Variants in KCNIP4 observed in about 807,000 individuals in gnomAD.
KCNIP4 encodes the protein Kv channel-interacting protein 4.
Under a neutral mutation model 34.0 loss-of-function variants are expected in KCNIP4, and 12 were observed. The ratio of observed to expected loss-of-function variants is 0.35; its 90% confidence interval spans 0.23 to 0.57. KCNIP4 has a LOEUF of 0.57. KCNIP4 is among the 20% of genes least tolerant of loss of function. The pLI, the probability that KCNIP4 is intolerant of heterozygous loss-of-function variation, is 0.83. For missense variants in KCNIP4, 238 were observed against 311.7 expected (o/e 0.76, Z 1.78); for synonymous variants, 124 against 102.2 (o/e 1.21, Z -1.29).
At chr4:21,844,415 A>C (rs1214051100) in intron 1 of KCNIP4, 1 of 152,112 alleles carries the variant, frequency 6.6e-6, no homozygotes, top group Non-Finnish European at 1.5e-5. Context: ...TGGTAATTAT[A>C]AACAGACAAA....
At chr4:20,732,816 G>T in intron 6 of KCNIP4, 31 bp from the exon 7 acceptor site, 2 of 1,284,474 alleles carry the variant, frequency 1.6e-6, no homozygotes, top group Non-Finnish European at 2.3e-6. Flanking sequence ...ACGTGAGGCT[G>T]CACACATGTA....
rs534769944 is a variant in KCNIP4 at position 21,561,885 on chromosome 4, T to C, written c.61+386686A>G. 4.6e-5 allele frequency among the ~76,000 whole-genome samples: 7 copies of C among 152,070 alleles called. No homozygotes were observed. In the South Asian group the frequency reaches 1.4e-3, roughly 31 times the overall value. Reference sequence around the variant, plus strand: ...CATTGCCTTCCACATTGTTCATTTATGAGAAGGACCCTGTGCCCTGGCTCA... The same window carrying C: ...CATTGCCTTCCACATTGTTCATTTACGAGAAGGACCCTGTGCCCTGGCTCA... On this transcript the variant is annotated intron_variant, in intron 1 of 8. Transcript: ENST00000382152.
intron 1 of KCNIP4, among the ~76,000 whole-genome samples, chr4:21,927,881 A>G (rs1242941510): frequency 1.3e-5 from 2 of 152,012 alleles, no homozygotes; most frequent in Non-Finnish European, 2.9e-5. Flanking sequence ...AATGATGACA[A>G]TACTCACCCA....
At chr4:20,956,618 A>T (rs1733334034) in intron 1 of KCNIP4, among the ~76,000 whole-genome samples, 1 of 152,364 alleles carries the variant, frequency 6.6e-6, no homozygotes, top group South Asian at 2.1e-4. Flanking sequence ...AGAAGAATAA[A>T]ACAATAGATT....
At chr4:21,325,507 G>C (rs182490661) in intron 1 of KCNIP4, among the ~76,000 whole-genome samples, 2 of 151,740 alleles carry the variant, frequency 1.3e-5, no homozygotes, top group Admixed American at 1.3e-4. Flanking sequence ...TCATTAGTCT[G>C]TCTAAAGTTC....
At chr4:21,322,120 A>T (rs1210248791) in intron 1 of KCNIP4, among the ~76,000 whole-genome samples, 2 of 128,482 alleles carry the variant, frequency 1.6e-5, no homozygotes, top group African/African-American at 5.8e-5. Flanking sequence ...GAAGGAAGAA[A>T]GGAAGAAGGA....
chr4:21,417,916 T>C (rs545423276), intron 1 of KCNIP4, among the ~76,000 whole-genome samples: 2 of 152,224 alleles, frequency 1.3e-5, no homozygotes, highest in Admixed American at 6.5e-5. Flanking sequence ...AAGTTGGACA[T>C]TGTATCAGTT....
chr4:20,876,141 T>C (rs1724002166), intron 2 of KCNIP4, among the ~76,000 whole-genome samples: 1 of 152,196 alleles, frequency 6.6e-6, no homozygotes. Context: ...TGGGTAGATG[T>C]TGTTATGAGT....
At chr4:21,641,425 C>G (rs1431103181) in intron 1 of KCNIP4, among the ~76,000 whole-genome samples, 2 of 152,172 alleles carry the variant, frequency 1.3e-5, no homozygotes, top group Non-Finnish European at 2.9e-5. Context: ...GGCAGCAGAA[C>G]CCCGAGTAGT....
intron 2 of KCNIP4, among the ~76,000 whole-genome samples, chr4:20,881,035 T>C (rs1028697981): frequency 6.6e-6 from 1 of 152,254 alleles, no homozygotes; most frequent in African/African-American, 2.4e-5. Flanking sequence ...TAAGCTCTAA[T>C]AGAAGAGCTT....
At chr4:20,946,405 T>G (rs555203810) in intron 1 of KCNIP4, among the ~76,000 whole-genome samples, 2 of 151,874 alleles carry the variant, frequency 1.3e-5, no homozygotes, top group South Asian at 4.2e-4. Context: ...AAGGCCTGAG[T>G]GGTCAGATGG....
At chr4:21,400,382 G>T (rs1482701358) in intron 1 of KCNIP4, among the ~76,000 whole-genome samples, 1 of 151,970 alleles carries the variant, frequency 6.6e-6, no homozygotes, top group Non-Finnish European at 1.5e-5. Flanking sequence ...GCTAGACCTT[G>T]GTGGAGAGGT....
chr4:20,986,416 T>A (rs371257233), intron 1 of KCNIP4, among the ~76,000 whole-genome samples: 2 of 151,910 alleles, frequency 1.3e-5, no homozygotes, highest in South Asian at 2.1e-4. Flanking sequence ...TAGTAATTAG[T>A]AGGAAAAAAA....
chr4:21,422,241 G>T (rs554938175), intron 1 of KCNIP4, among the ~76,000 whole-genome samples: 85 of 150,800 alleles, frequency 5.6e-4, no homozygotes, highest in African/African-American at 2.0e-3. Flanking sequence ...TGTCGCCCAG[G>T]CTGGAGTGCA....
At chr4:20,963,934 T>A (rs1160946041) in intron 1 of KCNIP4, among the ~76,000 whole-genome samples, 1 of 152,198 alleles carries the variant, frequency 6.6e-6, no homozygotes, top group Admixed American at 6.5e-5. Context: ...TGCCAACCTC[T>A]CCACATGGTG....
intron 1 of KCNIP4, among the ~76,000 whole-genome samples, chr4:21,381,745 G>C (rs928040681): frequency 6.6e-6 from 1 of 152,100 alleles, no homozygotes; most frequent in Non-Finnish European, 1.5e-5. Context: ...AGCCATTTTG[G>C]AATTACCAAG....
At chr4:21,112,035 ATC>A (rs1749239670) in intron 1 of KCNIP4, among the ~76,000 whole-genome samples, 2 of 149,996 alleles carry the variant, frequency 1.3e-5, no homozygotes, top group Non-Finnish European at 3.0e-5. Context: ...GTATCTATCT[ATC>A]TATCTATCTA....
chr4:20,828,920 A>G (rs116135505), intron 3 of KCNIP4, among the ~76,000 whole-genome samples: 1,671 of 152,302 alleles, frequency 0.011, 12 homozygotes, highest in East Asian at 0.033. Context: ...GGAAAGGAGA[A>G]AATACCCTAA....
At chr4:21,848,946 A>ATGTGTGTGTGTGTGTG (rs58096642) in intron 1 of KCNIP4, 6 of 128,446 alleles carry the variant, frequency 4.7e-5, no homozygotes, top group African/African-American at 1.6e-4. Context: ...ATATACATAT[A>ATGTGTGTGTGTGTGTG]TGTGTGTGTG....
Sources: allele counts gnomAD v4.1 joint callset (sites outside exome capture counted in the v4.1 genomes callset), GRCh38; gene constraint gnomAD v4.1.1; transcripts MANE v1.5; gene names NCBI Gene and HGNC (gene_info 2026-07-23, HGNC 2026-07-21).